Variants in GRIP1 observed in about 807,000 individuals in gnomAD.
The protein encoded by GRIP1 is glutamate receptor interacting protein 1, also known as glutamate receptor-interacting protein 1.
GRIP1 carries 45 observed loss-of-function variants against 129.9 expected under a neutral mutation model. That is an observed-to-expected ratio of 0.35 (90% CI 0.27 to 0.44). The LOEUF (loss-of-function observed/expected upper bound fraction) is 0.44, where lower values mean the gene tolerates loss of function less well. Among genes scored for constraint, GRIP1 ranks in the 20% least tolerant of loss-of-function variants. The probability of loss-of-function intolerance (pLI) is 1.00; values close to 1 mark genes in which losing one functional copy is unlikely to be tolerated. For missense variants in GRIP1, 1,196 were observed against 1,396.8 expected (o/e 0.86, Z 2.29); for synonymous variants, 530 against 520.8 (o/e 1.02, Z -0.24).
At chr12:66,389,676 T>G (rs2056503548) in intron 19 of GRIP1, among the ~76,000 whole-genome samples, 1 of 152,202 alleles carries the variant, frequency 6.6e-6, no homozygotes. Flanking sequence ...AGATGTGCCA[T>G]GACCACTAAA....
chr12:66,940,849 C>T (rs2041572930), intron 1 of GRIP1, among the ~76,000 whole-genome samples: 1 of 152,182 alleles, frequency 6.6e-6, no homozygotes, highest in Admixed American at 6.5e-5. Flanking sequence ...TCTAATAACA[C>T]CACAGGGTGT....
chr12:66,673,904 T>C (rs942808270), intron 1 of GRIP1, among the ~76,000 whole-genome samples: 5 of 152,164 alleles, frequency 3.3e-5, no homozygotes, highest in African/African-American at 1.2e-4. Flanking sequence ...ATCTATTAAG[T>C]GCATATTATT....
intron 2 of GRIP1, among the ~76,000 whole-genome samples, chr12:66,559,880 A>G (rs532283105): frequency 3.3e-4 from 50 of 152,284 alleles, no homozygotes; most frequent in Admixed American, 9.2e-4. Context: ...CCTGAGGAAA[A>G]ATAAAACTGG....
intron 1 of GRIP1, among the ~76,000 whole-genome samples, chr12:67,027,435 T>C (rs1296821161): frequency 6.6e-6 from 1 of 152,214 alleles, no homozygotes; most frequent in Non-Finnish European, 1.5e-5. Flanking sequence ...CATTCATTCA[T>C]TCCATAAATA....
chr12:66,485,522 C>T (rs928464404), intron 7 of GRIP1, among the ~76,000 whole-genome samples: 10 of 151,810 alleles, frequency 6.6e-5, no homozygotes, highest in Non-Finnish European at 1.5e-4. Context: ...ATACTTTCCT[C>T]CCTCTATGAC....
At chr12:67,022,820 T>C (rs984256965) in intron 1 of GRIP1, among the ~76,000 whole-genome samples, 28 of 152,164 alleles carry the variant, frequency 1.8e-4, no homozygotes, top group African/African-American at 6.3e-4. Context: ...GTAGTGAGCA[T>C]AGTACCCAAT....
rs532813015 is a variant in GRIP1 at position 66,920,749 on chromosome 12, C to T, written c.58+148301G>A. 7.2e-5 allele frequency among the ~76,000 whole-genome samples: 11 copies of T among 152,334 alleles called. No individual in the cohort carries two copies. The South Asian group carries it at 2.3e-3, about 32-fold the overall frequency. On this transcript the variant is annotated intron_variant, in intron 1 of 1. Transcript: ENST00000643019. ...TTATCATCTTGGGGGAATCTCTACT[C>T]GGCTTACCAGTGTCCATGAGGACCA...
intron 1 of GRIP1, among the ~76,000 whole-genome samples, chr12:66,922,440 A>G (rs1463784554): frequency 2.0e-5 from 3 of 152,218 alleles, no homozygotes; most frequent in Non-Finnish European, 4.4e-5. Flanking sequence ...GTACCCATAC[A>G]TTGTCAAATT....
chr12:67,031,850 G>T (rs1392704135), intron 1 of GRIP1, among the ~76,000 whole-genome samples: 1 of 151,842 alleles, frequency 6.6e-6, no homozygotes, highest in Non-Finnish European at 1.5e-5. Flanking sequence ...TTTGTTTGGG[G>T]TTTTCATTTT....
At chr12:67,042,742 G>A (rs2043198491) in intron 1 of GRIP1, among the ~76,000 whole-genome samples, 1 of 152,196 alleles carries the variant, frequency 6.6e-6, no homozygotes, top group Admixed American at 6.6e-5. Flanking sequence ...CAGATTAGAA[G>A]CAGAGACTGA....
intron 4 of GRIP1, among the ~76,000 whole-genome samples, chr12:66,531,917 C>A (rs1163916299): frequency 6.6e-6 from 1 of 152,118 alleles, no homozygotes; most frequent in African/African-American, 2.4e-5. Context: ...TTCATTTACT[C>A]AATAAATCAG....
At chr12:66,428,820 C>T (rs894099807) in intron 14 of GRIP1, among the ~76,000 whole-genome samples, 2 of 152,164 alleles carry the variant, frequency 1.3e-5, no homozygotes, top group Non-Finnish European at 2.9e-5. Context: ...AGGGAAAACA[C>T]CCATGTAAAA....
intron 1 of GRIP1, among the ~76,000 whole-genome samples, chr12:66,846,866 G>A (rs1476107998): frequency 6.6e-6 from 1 of 152,148 alleles, no homozygotes; most frequent in Non-Finnish European, 1.5e-5. Context: ...CCTTTACTGT[G>A]GTTTCCATAG....
At chr12:67,067,800 T>C (rs1295836716) in intron 1 of GRIP1, among the ~76,000 whole-genome samples, 1 of 152,162 alleles carries the variant, frequency 6.6e-6, no homozygotes, top group African/African-American at 2.4e-5. Context: ...CTCACCAAAC[T>C]GCTGCATTAA....
At position 66,407,240 on chromosome 12, in the gene GRIP1, T is replaced by TCTAGCTACC. The variant is rs749086243; in HGVS notation, c.1839-813_1839-812insGGTAGCTAG. 3.5e-5 allele frequency among the ~76,000 whole-genome samples: 5 copies of TCTAGCTACC among 141,912 alleles called. No homozygotes were observed. The East Asian group carries it at 5.8e-4, about 16-fold the overall frequency. The allele number at this position is 141,912 out of a possible 152,430, so 93.1% of individuals were successfully genotyped here. On this transcript the variant is annotated intron_variant, in intron 15 of 24. Coordinates refer to ENST00000359742, the MANE Select transcript of GRIP1 (RefSeq NM_001366722.1). ...AGACTCTCTGGGGACCCTCCCCACC[T>TCTAGCTACC]CCTGCCTGTAGCTAGAAAATGGTAA... is the stretch of plus-strand genomic sequence containing the variant.
chr12:66,426,753 C>A (rs1023469952), intron 14 of GRIP1, among the ~76,000 whole-genome samples: 5 of 152,116 alleles, frequency 3.3e-5, no homozygotes, highest in Admixed American at 3.3e-4. Flanking sequence ...TGAGGCCAGG[C>A]TGTTTATTTG....
chr12:66,899,455 C>T (rs1412429042), intron 1 of GRIP1, among the ~76,000 whole-genome samples: 1 of 92,380 alleles, frequency 1.1e-5, no homozygotes, highest in Non-Finnish European at 2.0e-5. Flanking sequence ...TCTCAAACTC[C>T]TGAACTCAAG....
chr12:66,707,442 C>G (rs2035568342), intron 1 of GRIP1, among the ~76,000 whole-genome samples: 2 of 149,876 alleles, frequency 1.3e-5, no homozygotes, highest in African/African-American at 4.9e-5. Flanking sequence ...CAAACACAAT[C>G]CTTCTTCTCT....
At chr12:66,924,066 G>C (rs1219836521) in intron 1 of GRIP1, among the ~76,000 whole-genome samples, 11 of 151,914 alleles carry the variant, frequency 7.2e-5, no homozygotes, top group Admixed American at 7.2e-4. Flanking sequence ...GCTGGTCTCG[G>C]ACTCCTGGCA....
Sources: gnomAD v4.1 joint callset for allele counts (sites outside exome capture counted in the v4.1 genomes callset) on GRCh38, gnomAD v4.1.1 for gene constraint, MANE v1.5 for transcripts, NCBI Gene and HGNC (gene_info 2026-07-23, HGNC 2026-07-21) for gene names.